FRMPD4: variants seen among roughly 807,000 people sequenced by gnomAD.
FRMPD4 encodes FERM and PDZ domain-containing protein 4.
FRMPD4 carries 22 observed loss-of-function variants against 94.1 expected under a neutral mutation model. The observed-to-expected ratio is 0.23, with a 90% CI of 0.17 to 0.33. The LOEUF (loss-of-function observed/expected upper bound fraction) is 0.33, where lower values mean the gene tolerates loss of function less well. Ranked by LOEUF, FRMPD4 falls within the 10% of genes least tolerant of loss-of-function variation. The probability of loss-of-function intolerance (pLI) is 1.00; values close to 1 mark genes in which losing one functional copy is unlikely to be tolerated. For missense variants in FRMPD4, 1,111 were observed against 1,339.9 expected (o/e 0.83, Z 2.67); for synonymous variants, 631 against 548.6 (o/e 1.15, Z -2.10).
chrX:11,992,651 C>T (rs762959397), intron 3 of FRMPD4, among the ~76,000 whole-genome samples: 3 of 111,566 alleles, frequency 2.7e-5, no homozygotes, highest in African/African-American at 9.7e-5. Context: ...ATCTGGAATT[C>T]CAGAAAAGAA....
At chrX:12,539,482 T>G (rs989629311) in intron 2 of FRMPD4, among the ~76,000 whole-genome samples, 3 of 111,271 alleles carry the variant, frequency 2.7e-5, no homozygotes, top group South Asian at 3.8e-4. Context: ...AAGACACATA[T>G]TTGTCAGATT....
chrX:12,222,528 T>C (rs753608110), intron 1 of FRMPD4, among the ~76,000 whole-genome samples: 120 of 112,109 alleles, frequency 1.1e-3, no homozygotes, highest in Non-Finnish European at 1.9e-3. Flanking sequence ...AAGTTTACCA[T>C]TTTAAGTGCA....
chrX:12,068,318 C>T (rs888837134), intron 3 of FRMPD4, among the ~76,000 whole-genome samples: 2 of 111,939 alleles, frequency 1.8e-5, no homozygotes, highest in Admixed American at 9.4e-5. Context: ...CTGCTTTAAG[C>T]GCCTAAATTT....
At chrX:12,337,127 G>A (rs763831142) in intron 1 of FRMPD4, among the ~76,000 whole-genome samples, 4 of 111,678 alleles carry the variant, frequency 3.6e-5, no homozygotes, top group Non-Finnish European at 7.5e-5. Flanking sequence ...AGCAATTATA[G>A]CAATTCAAAC....
At chrX:12,262,552 A>C (rs1346353488) in intron 1 of FRMPD4, among the ~76,000 whole-genome samples, 1 of 112,474 alleles carries the variant, frequency 8.9e-6, no homozygotes, top group African/African-American at 3.2e-5. Flanking sequence ...TCTAACTCAC[A>C]GGGTTGTTTT....
chrX:12,524,626 A>C (rs1332130286), intron 2 of FRMPD4, among the ~76,000 whole-genome samples: 1 of 111,731 alleles, frequency 9.0e-6, no homozygotes, highest in Non-Finnish European at 1.9e-5. Context: ...TGTCTTGGAA[A>C]AGATGATGTG....
At chrX:12,451,721 T>A (rs1305096218) in intron 1 of FRMPD4, among the ~76,000 whole-genome samples, 1 of 89,812 alleles carries the variant, frequency 1.1e-5, no homozygotes, top group Admixed American at 1.3e-4. Context: ...CTCAGTGATA[T>A]GTGTGTATGC....
chrX:12,122,206 A>G (rs1439061490), intron 3 of FRMPD4, among the ~76,000 whole-genome samples: 4 of 108,938 alleles, frequency 3.7e-5, no homozygotes, highest in African/African-American at 1.3e-4. Context: ...TATAGACTTG[A>G]TGACTGTAAT....
At chrX:11,844,047 G>A (rs2053558479) in intron 1 of FRMPD4, among the ~76,000 whole-genome samples, 1 of 99,548 alleles carries the variant, frequency 1.0e-5, no homozygotes, top group African/African-American at 3.8e-5. Flanking sequence ...GAGTACAATG[G>A]TGTGATCTCA....
chrX:12,107,714 G>A (rs976394953), intron 3 of FRMPD4, among the ~76,000 whole-genome samples: 2 of 111,850 alleles, frequency 1.8e-5, no homozygotes, highest in Non-Finnish European at 3.8e-5. Flanking sequence ...AACCAGTGTA[G>A]ATAAGTCCTT....
At chrX:11,963,506 G>A (rs749112166) in intron 3 of FRMPD4, among the ~76,000 whole-genome samples, 9 of 112,241 alleles carry the variant, frequency 8.0e-5, no homozygotes, top group African/African-American at 2.9e-4. Context: ...TTGCCAAGAG[G>A]TCTGTCATTA....
chrX:12,031,805 G>A (rs995781463), intron 3 of FRMPD4, among the ~76,000 whole-genome samples: 2 of 112,053 alleles, frequency 1.8e-5, no homozygotes, highest in African/African-American at 6.5e-5. Flanking sequence ...CTGAAACAGG[G>A]CCAGAATGGA....
intron 1 of FRMPD4, among the ~76,000 whole-genome samples, chrX:12,422,313 G>A (rs907731445): frequency 5.3e-5 from 6 of 112,185 alleles, no homozygotes; most frequent in African/African-American, 1.9e-4. Context: ...GCTAGAGACA[G>A]GCTGTAGGCT....
At chrX:12,565,893 A>G (rs988551540) in intron 2 of FRMPD4, among the ~76,000 whole-genome samples, 9 of 112,112 alleles carry the variant, frequency 8.0e-5, no homozygotes, top group Admixed American at 7.6e-4. Context: ...TAAATTTTCC[A>G]TAATAAAAAG....
rs1359689450 is a variant in FRMPD4, at chrX:11,845,808, G to T, written c.-160-19278G>T. Among the ~76,000 whole-genome samples, 3 of 108,379 alleles carry T rather than the reference G, an allele frequency of 2.8e-5. No individual in the cohort carries two copies. In the Admixed American group the frequency reaches 3.0e-4, roughly 11 times the overall value. 94.1% of individuals were successfully genotyped at this position (108,379 alleles called of 115,157 possible). On this transcript the variant is annotated intron_variant, in intron 1 of 18. Transcript: ENST00000640291. Reference sequence around the variant, plus strand: ...TGATTATCTCAATAGATGCACAAAAGGCCTTTGACAAAATTCAACAACCCT... The same window carrying T: ...TGATTATCTCAATAGATGCACAAAATGCCTTTGACAAAATTCAACAACCCT...
chrX:12,069,858 T>C (rs936654879), intron 3 of FRMPD4, among the ~76,000 whole-genome samples: 1 of 111,298 alleles, frequency 9.0e-6, no homozygotes, highest in South Asian at 3.8e-4. Flanking sequence ...GGCTGGATCA[T>C]GGGAATTGAC....
chrX:12,317,984 A>G (rs1455392238), intron 1 of FRMPD4, among the ~76,000 whole-genome samples: 1 of 112,534 alleles, frequency 8.9e-6, no homozygotes, highest in African/African-American at 3.2e-5. Context: ...CAGCATATCA[A>G]GGAGATATCT....
chrX:12,524,231 A>T (rs1401219734), intron 2 of FRMPD4, among the ~76,000 whole-genome samples: 2 of 112,396 alleles, frequency 1.8e-5, no homozygotes, highest in Non-Finnish European at 3.8e-5. Flanking sequence ...GTTAAAGCAA[A>T]GGGGACTTCC....
chrX:12,540,744 T>C (rs2058399866), intron 2 of FRMPD4, among the ~76,000 whole-genome samples: 2 of 111,876 alleles, frequency 1.8e-5, no homozygotes, highest in African/African-American at 3.3e-5. Context: ...GTGGGCCTAA[T>C]AGACATCTAC....
Sources: allele counts gnomAD v4.1 joint callset (sites outside exome capture counted in the v4.1 genomes callset), GRCh38; gene constraint gnomAD v4.1.1; transcripts MANE v1.5; gene names NCBI Gene and HGNC (gene_info 2026-07-23, HGNC 2026-07-21).